The following TEC variants were observed in gnomAD, a reference collection of about 807,000 sequenced individuals.
TEC encodes the protein tyrosine-protein kinase Tec.
Under a neutral mutation model 93.0 loss-of-function variants are expected in TEC, and 72 were observed. The ratio of observed to expected loss-of-function variants is 0.77; its 90% confidence interval spans 0.64 to 0.94. TEC has a LOEUF of 0.94. TEC is among the 40% of genes least tolerant of loss of function. The pLI, the probability that TEC is intolerant of heterozygous loss-of-function variation, is 0.00. For missense variants in TEC, 630 were observed against 757.9 expected, an observed-to-expected ratio of 0.83 and a Z score of 1.98; for synonymous variants, 249 against 247.7, an observed-to-expected ratio of 1.01 and a Z score of -0.05.
chr4:48,212,193 C>A (rs183460945), intron 2 of TEC, among the ~76,000 whole-genome samples: 4 of 150,186 alleles, frequency 2.7e-5, no homozygotes, highest in Admixed American at 6.7e-5. Flanking sequence ...CTGCACAATT[C>A]TAATTTACTT....
At chr4:48,162,613 A>G (rs1720718512) in intron 8 of TEC, among the ~76,000 whole-genome samples, 2 of 152,228 alleles carry the variant, frequency 1.3e-5, no homozygotes, top group South Asian at 2.1e-4. Flanking sequence ...TACTTTATTT[A>G]TACATTGTTT....
At chr4:48,225,262 C>T (rs1471721435) in intron 2 of TEC, among the ~76,000 whole-genome samples, 2 of 152,116 alleles carry the variant, frequency 1.3e-5, no homozygotes, top group African/African-American at 2.4e-5. Flanking sequence ...GCAACCTCTG[C>T]CTCCTGGCTC....
chr4:48,174,182 T>C (rs115427916), intron 3 of TEC, among the ~76,000 whole-genome samples: 3 of 152,350 alleles, frequency 2.0e-5, no homozygotes, highest in African/African-American at 7.2e-5. Context: ...TCTCAACAAT[T>C]TTAGTAGTTC....
chr4:48,199,431 T>G (rs999192154), intron 2 of TEC, among the ~76,000 whole-genome samples: 1 of 149,778 alleles, frequency 6.7e-6, no homozygotes, highest in Non-Finnish European at 1.5e-5. Context: ...CACTCCAGTC[T>G]GGGCTACAGA....
At chr4:48,265,757 C>A (rs1178040128) in intron 1 of TEC, among the ~76,000 whole-genome samples, 1 of 152,082 alleles carries the variant, frequency 6.6e-6, no homozygotes, top group Non-Finnish European at 1.5e-5. Context: ...AGGTGATCGG[C>A]CTGCCTTGGC....
chr4:48,225,836 C>T (rs1346717877), intron 2 of TEC, among the ~76,000 whole-genome samples: 1 of 151,772 alleles, frequency 6.6e-6, no homozygotes, highest in East Asian at 1.9e-4. Flanking sequence ...GAGAAGAAAC[C>T]AGAAGGGATC....
chr4:48,145,418 T>C lies in TEC; in HGVS notation c.1243A>G (p.Lys415Glu), dbSNP rs774365822. 5 of 1,614,062 alleles carry C rather than the reference T, an allele frequency of 3.1e-6. No individual in the cohort carries two copies. The Admixed American group carries it at 6.7e-5, about 22-fold the overall frequency. Residue 415 changes from lysine to glutamate, a missense_variant, in exon 13 of 18, where the codon AAA becomes GAA. Transcript: ENST00000381501. Reference sequence around the variant, plus strand: ...ATGATAGCAACTTACATCATCACTTTAGCTTCTTCTATAAAGTCCTCCTCG... The same window carrying C: ...ATGATAGCAACTTACATCATCACTTCAGCTTCTTCTATAAAGTCCTCCTCG... ...MCEEDFIEEA[K>E]VMMKLTHPKL...
intron 1 of TEC, among the ~76,000 whole-genome samples, chr4:48,265,711 C>T (rs1724624113): frequency 6.6e-6 from 1 of 151,976 alleles, no homozygotes; most frequent in Admixed American, 6.6e-5. Context: ...TGGGGTTTCA[C>T]CATGTTGTCC....
chr4:48,200,237 G>A (rs1722455265), intron 2 of TEC, among the ~76,000 whole-genome samples: 1 of 151,942 alleles, frequency 6.6e-6, no homozygotes. Context: ...AACATGGGAA[G>A]GAGGTGGTAC....
intron 1 of TEC, among the ~76,000 whole-genome samples, chr4:48,264,115 G>A (rs1444876877): frequency 1.3e-5 from 2 of 152,152 alleles, no homozygotes; most frequent in Non-Finnish European, 2.9e-5. Context: ...GAGAATGAGT[G>A]AAGAGACAAT....
chr4:48,215,069 CT>C (rs1723028792), intron 2 of TEC, among the ~76,000 whole-genome samples: 1 of 152,052 alleles, frequency 6.6e-6, no homozygotes, highest in African/African-American at 2.4e-5. Flanking sequence ...AGGAGAATCG[CT>C]TGAACCCGGG....
intron 10 of TEC, 95 bp downstream of exon 10, chr4:48,150,768 T>C (rs1042258138): frequency 2.0e-5 from 17 of 833,924 alleles, no homozygotes; most frequent in Non-Finnish European, 2.3e-5. Context: ...GGTGAAATGC[T>C]GCATATTTTT....
chr4:48,243,714 C>A (rs894065391), intron 1 of TEC, among the ~76,000 whole-genome samples: 4 of 152,212 alleles, frequency 2.6e-5, no homozygotes, highest in Admixed American at 2.6e-4. Flanking sequence ...CAAGCTTCAA[C>A]TCTGCCTGGA....
At chr4:48,229,637 A>G (rs60092950) in intron 1 of TEC, among the ~76,000 whole-genome samples, 24,794 of 152,124 alleles carry the variant, frequency 0.16, 2,203 homozygotes, top group Non-Finnish European at 0.2. Context: ...TTAGCTGGGC[A>G]TGGTGGCGCA....
intron 2 of TEC, among the ~76,000 whole-genome samples, chr4:48,179,342 A>ATG (rs1721464829): frequency 4.1e-5 from 1 of 24,270 alleles, no homozygotes; most frequent in African/African-American, 2.0e-4. Flanking sequence ...TGGGTAGTAT[A>ATG]TATATATATA....
intron 1 of TEC, among the ~76,000 whole-genome samples, chr4:48,235,873 T>C (rs2109649197): frequency 6.6e-6 from 1 of 152,324 alleles, no homozygotes; most frequent in Non-Finnish European, 1.5e-5. Flanking sequence ...AAGTATGTAC[T>C]AGTACTGTCT....
rs532080603 is a variant in TEC, at chr4:48,138,196, A to G, written c.1812+469T>C. Among the ~76,000 whole-genome samples the G allele has an allele frequency of 5.9e-5, 9 of 152,378 alleles. No individual in the cohort carries two copies. In the South Asian group the frequency reaches 1.9e-3, roughly 32 times the overall value. On this transcript the variant is annotated intron_variant, in intron 17 of 17. Transcript: ENST00000381501. ...AAACACTAAGTATAGTGCCTGGTAC[A>G]TAATACATGTGAGCTAATGTTACTG...
At chr4:48,243,645 A>G (rs1456063920) in intron 1 of TEC, among the ~76,000 whole-genome samples, 1 of 152,344 alleles carries the variant, frequency 6.6e-6, no homozygotes, top group South Asian at 2.1e-4. Flanking sequence ...AAAGGGACAG[A>G]CACAACAGAA....
At chr4:48,141,239 T>G (rs1198663004) in intron 15 of TEC, 116 bp downstream of exon 15, 1 of 873,050 alleles carries the variant, frequency 1.1e-6, no homozygotes. Context: ...TAATTTAATC[T>G]GAGAACCAGT....
Sources: allele counts gnomAD v4.1 joint callset (sites outside exome capture counted in the v4.1 genomes callset), GRCh38; gene constraint gnomAD v4.1.1; transcripts MANE v1.5; gene names NCBI Gene and HGNC (gene_info 2026-07-23, HGNC 2026-07-21).